The following MED13 variants were observed in gnomAD, a reference collection of about 807,000 sequenced individuals.
MED13 encodes the protein mediator complex subunit 13.
A neutral mutation model predicts 225.2 loss-of-function variants in MED13; 23 were observed. That is an observed-to-expected ratio of 0.10 (90% CI 0.07 to 0.14). The LOEUF is 0.14. MED13 is among the 10% of genes least tolerant of loss of function. MED13 has a pLI of 1.00. For synonymous variants in MED13, 942 were observed against 889.2 expected, an observed-to-expected ratio of 1.06 and a Z score of -1.06; for missense variants, 2,197 against 2,594.5, an observed-to-expected ratio of 0.85 and a Z score of 3.33.
chr17:62,063,982 T>C (rs966544375), intron 1 of MED13, among the ~76,000 whole-genome samples: 1 of 152,196 alleles, frequency 6.6e-6, no homozygotes, highest in Non-Finnish European at 1.5e-5. Flanking sequence ...TAGACGAGGA[T>C]AGAGTATTAA....
intron 8 of MED13, among the ~76,000 whole-genome samples, chr17:62,020,143 G>C (rs550996902): frequency 6.6e-6 from 1 of 151,920 alleles, no homozygotes; most frequent in Admixed American, 6.6e-5. Flanking sequence ...AATCCTTTTA[G>C]ATTATTTTTT....
intron 8 of MED13, among the ~76,000 whole-genome samples, chr17:62,014,782 T>C (rs1254173505): frequency 3.3e-5 from 5 of 152,178 alleles, no homozygotes; most frequent in Admixed American, 2.0e-4. Flanking sequence ...AGTGCTGAGA[T>C]TACAGGCATG....
Position 61,950,977 on chromosome 17 carries a change from GT to G in MED13, c.6138del (p.Leu2047TyrfsTer97). Reference protein sequence around the residue: ...DAGKGQSTDRLLSTEPHEEVP... With the variant: ...DAGKGQSTDRXLSTEPHEEVP... ...ACTTCCTCATGAGGTTCTGTTGATA[GT>G]AGCCGATCAGTACTCTGACCCTTAA... On this transcript the variant is annotated frameshift_variant, in exon 28 of 30. Coordinates refer to ENST00000397786, the MANE Select transcript of MED13 (RefSeq NM_005121.3). LOFTEE classifies it high-confidence loss of function. 6.2e-7 allele frequency: 1 copy of G among 1,613,408 alleles called. No individual in the cohort carries two copies. The highest frequency in any genetic ancestry group is 1.7e-5 in the Admixed American group (1 of 59,976).
rs148551117 is a variant in MED13 at position 62,064,608 on chromosome 17, A to G, written c.66+532T>C. On this transcript the variant is annotated intron_variant, in intron 1 of 29. Coordinates refer to ENST00000397786, the MANE Select transcript of MED13 (RefSeq NM_005121.3). Reference sequence around the variant, plus strand: ...AAATGGCACCTACTGGCTTTTACAGAGAGATCTTAAGTCACCCAAGAAAGA... The same window carrying G: ...AAATGGCACCTACTGGCTTTTACAGGGAGATCTTAAGTCACCCAAGAAAGA... 3.7e-3 allele frequency among the ~76,000 whole-genome samples: 565 copies of G among 152,346 alleles called. 2 individuals carry two copies. Among genetic ancestry groups the G allele is most frequent in the African/African-American group, 0.012 (514 of 41,582 alleles).
At chr17:62,008,317 CAAAAAAAAA>C (rs766909961) in intron 9 of MED13, among the ~76,000 whole-genome samples, 211 of 33,214 alleles carry the variant, frequency 6.4e-3, no homozygotes, top group African/African-American at 0.021. Context: ...GGCTCTGTCT[CAAAAAAAAA>C]AAAAAAAAAA....
At chr17:62,028,616 T>G (rs906337718) in intron 8 of MED13, among the ~76,000 whole-genome samples, 2 of 151,674 alleles carry the variant, frequency 1.3e-5, no homozygotes, top group African/African-American at 2.4e-5. Flanking sequence ...AAAAAAAGAT[T>G]GTATCATGAG....
chr17:61,970,918 G>C (rs913747122), intron 17 of MED13, among the ~76,000 whole-genome samples: 10 of 151,736 alleles, frequency 6.6e-5, no homozygotes, highest in African/African-American at 1.7e-4. Context: ...CCAGCTACTT[G>C]GCAGGCTGAG....
intron 8 of MED13, among the ~76,000 whole-genome samples, chr17:62,022,177 ATATAT>A (rs1567984350): frequency 1.6e-5 from 2 of 128,100 alleles, no homozygotes; most frequent in African/African-American, 6.0e-5. Context: ...AAAAAAAAAT[ATATAT>A]ATATATATAT....
rs531066213 is a variant in MED13 at position 61,963,875 on chromosome 17, G to T, written c.4845-904C>A. Among the ~76,000 whole-genome samples the T allele has an allele frequency of 2.0e-5, 3 of 152,252 alleles. No individual in the cohort carries two copies. The East Asian group carries it at 5.8e-4, about 29-fold the overall frequency. ...GAAGATCAAAACCTTCATCAAAAAA[G>T]GAATGAGAGCTGTCATAATCATTCT... On this transcript the variant is annotated intron_variant, in intron 20 of 29. Coordinates refer to ENST00000397786, the MANE Select transcript of MED13 (RefSeq NM_005121.3).
chr17:62,059,201 A>G (rs780247787), intron 2 of MED13, among the ~76,000 whole-genome samples: 4 of 152,232 alleles, frequency 2.6e-5, no homozygotes, highest in Non-Finnish European at 5.9e-5. Context: ...ACTTTAGTTA[A>G]TAATAAAGTA....
intron 16 of MED13, among the ~76,000 whole-genome samples, chr17:61,973,419 A>G (rs1056900592): frequency 6.6e-6 from 1 of 152,188 alleles, no homozygotes. Context: ...AATATTTTAT[A>G]AGCTTATACA....
At chr17:61,957,160 C>A (rs1266428572) in intron 23 of MED13, among the ~76,000 whole-genome samples, 1 of 151,826 alleles carries the variant, frequency 6.6e-6, no homozygotes, top group African/African-American at 2.4e-5. Context: ...GATTCTCCTG[C>A]CTCAGCCTTC....
At chr17:62,044,763 G>C (rs916686500) in intron 3 of MED13, among the ~76,000 whole-genome samples, 2 of 152,208 alleles carry the variant, frequency 1.3e-5, no homozygotes, top group Non-Finnish European at 2.9e-5. Context: ...CCCGGGTTAA[G>C]TGATTCTCCT....
At chr17:62,062,600 C>CCA (rs58730188) in intron 2 of MED13, among the ~76,000 whole-genome samples, 23,359 of 136,126 alleles carry the variant, frequency 0.17, 2,339 homozygotes, top group Non-Finnish European at 0.25. Flanking sequence ...CACACACACA[C>CCA]CACACACACA....
intron 14 of MED13, 60 bp downstream of exon 14, chr17:61,984,591 A>C: frequency 7.0e-7 from 1 of 1,432,382 alleles, no homozygotes; most frequent in Non-Finnish European, 9.5e-7. Context: ...CTATAGCAAC[A>C]AATTAATTCT....
At chr17:61,988,225 T>C (rs189493471) in intron 11 of MED13, among the ~76,000 whole-genome samples, 238 of 152,296 alleles carry the variant, frequency 1.6e-3, no homozygotes, top group African/African-American at 5.5e-3. Context: ...GTTGGTAATG[T>C]GCTTCGCCCA....
chr17:62,003,746 G>A (rs1220330044), intron 9 of MED13: 1 of 150,978 alleles, frequency 6.6e-6, no homozygotes, highest in Non-Finnish European at 1.5e-5. Context: ...TTGTCTATAA[G>A]GCAGAAAAAA....
chr17:62,059,111 A>T (rs1260626732), intron 2 of MED13, among the ~76,000 whole-genome samples: 1 of 152,206 alleles, frequency 6.6e-6, no homozygotes, highest in Non-Finnish European at 1.5e-5. Context: ...ATGACAATTA[A>T]ATGTAATAGG....
At chr17:62,006,639 C>T (rs910479488) in intron 9 of MED13, 2 of 152,222 alleles carry the variant, frequency 1.3e-5, no homozygotes, top group African/African-American at 2.4e-5. Context: ...TACGTCTAGA[C>T]AGGCCAGGTG....
Sources: allele counts gnomAD v4.1 joint callset (sites outside exome capture counted in the v4.1 genomes callset), GRCh38; gene constraint gnomAD v4.1.1; transcripts MANE v1.5; gene names NCBI Gene and HGNC (gene_info 2026-07-23, HGNC 2026-07-21).